The following GMNC variants were observed in gnomAD, a reference collection of about 807,000 sequenced individuals.
GMNC encodes geminin coiled-coil domain-containing protein 1.
Under a neutral mutation model 33.6 loss-of-function variants are expected in GMNC, and 16 were observed. The ratio of observed to expected loss-of-function variants is 0.48; its 90% confidence interval spans 0.32 to 0.72. GMNC has a LOEUF of 0.72. Among genes scored for constraint, GMNC ranks in the 30% least tolerant of loss-of-function variants. The pLI, the probability that GMNC is intolerant of heterozygous loss-of-function variation, is 0.03. For synonymous variants in GMNC, 156 were observed against 147.3 expected (o/e 1.06, Z -0.43); for missense variants, 393 against 388.9 (o/e 1.01, Z -0.09).
At chr3:190,846,623 G>T in the GMNC span, among the ~76,000 whole-genome samples, 8 of 152,190 alleles carry the variant, frequency 5.3e-5, no homozygotes, top group Non-Finnish European at 1.5e-5. Flanking sequence ...GATTGCTGAA[G>T]AGAAGTTCAT....
chr3:190,851,028 A>G (rs556932340), downstream of GMNC, among the ~76,000 whole-genome samples: 7 of 152,370 alleles, frequency 4.6e-5, no homozygotes, highest in South Asian at 1.2e-3. Flanking sequence ...ATGACTGATA[A>G]CAAGATAATC....
chr3:190,850,446 G>A (rs1489733769), downstream of GMNC, among the ~76,000 whole-genome samples: 2 of 152,188 alleles, frequency 1.3e-5, no homozygotes, highest in African/African-American at 2.4e-5. Context: ...TCCCGACTGA[G>A]TCTGTCCAAA....
downstream of GMNC, among the ~76,000 whole-genome samples, chr3:190,848,408 T>C (rs1173735665): frequency 6.6e-6 from 1 of 152,226 alleles, no homozygotes; most frequent in Admixed American, 6.5e-5. Flanking sequence ...TAACTTTATA[T>C]CCAAAGCATT....
In GMNC at chr3:190,861,470, CTATCT is replaced by C. The variant is rs987225429; in HGVS notation, c.4-617_4-613del. Among the ~76,000 whole-genome samples the C allele has an allele frequency of 1.3e-5, 2 of 150,882 alleles. No individual in the cohort carries two copies. The highest frequency in any genetic ancestry group is 4.9e-5 in the African/African-American group (2 of 41,114). On this transcript the variant is annotated intron_variant, in intron 1 of 4. Coordinates refer to ENST00000442080, the MANE Select transcript of GMNC (RefSeq NM_001146686.3). This position sits in a 1 kb window ranked among gnomAD's most constrained non-coding sequence, Gnocchi z 5.1. ...GTCTGCCTATCATCTATCTATCTAT[CTATCT>C]ATCTATCTATCTATCTATCTATCTA... is the stretch of plus-strand genomic sequence containing the variant.
chr3:190,849,472 G>T (rs1198701088), downstream of GMNC, among the ~76,000 whole-genome samples: 1 of 152,162 alleles, frequency 6.6e-6, no homozygotes, highest in Non-Finnish European at 1.5e-5. Flanking sequence ...TATAACAAGG[G>T]ATTCTGAATT....
chr3:190,858,853 A>G (rs1737803270), intron 3 of GMNC, 75 bp downstream of exon 3: 1 of 850,898 alleles, frequency 1.2e-6, no homozygotes, highest in Non-Finnish European at 1.8e-6. Flanking sequence ...CAAAAGGGAA[A>G]AGAAGCAAGA....
rs1737806194 is a variant in GMNC, at chr3:190,858,966, C to T, written c.229G>A (p.Glu77Lys). 2 of 1,550,580 alleles carry T rather than the reference C, an allele frequency of 1.3e-6. No individual in the cohort carries two copies. The highest frequency in any genetic ancestry group is 1.7e-6 in the Non-Finnish European group (2 of 1,146,306). Residue 77 changes from glutamate (E) to lysine (K), a missense_variant, in exon 3 of 5, where the codon GAG (glutamate) becomes AAG (lysine). Transcript: ENST00000442080. ...FPLPDLCSWE[E>K]AQLSSQLYRN... ...TAGAGCTGAGAGGAAAGCTGAGCCT[C>T]TTCCCATGAGCACAAGTCCGGAAGA...
chr3:190,858,951 A>G lies in GMNC; in HGVS notation c.244T>C (p.Ser82Pro), dbSNP rs1349218028. The G allele has an allele frequency of 4.5e-6, 7 of 1,549,642 alleles. No homozygotes were observed. The highest frequency in any genetic ancestry group is 6.1e-6 in the Non-Finnish European group (7 of 1,145,408). Residue 82 changes from serine to proline, a missense_variant, in exon 3 of 5, where the codon TCT becomes CCT. Ser to Pro is a moderately conservative substitution (Grantham distance 74). Transcript: ENST00000442080. The stretch of plus-strand genomic sequence containing the variant: ...ACCTGCTTATTTCTGTAGAGCTGAG[A>G]GGAAAGCTGAGCCTCTTCCCATGAG... ...LCSWEEAQLS[S>P]QLYRNKQLQD...
At position 190,860,711 on chromosome 3, in the gene GMNC, C is replaced by G. The variant is rs954369018; in HGVS notation, c.151G>C (p.Glu51Gln). The change falls in exon 2 of 5, where the codon GAG becomes CAG. Residue 51 changes from glutamate (E) to glutamine (Q), a missense_variant. By Grantham distance (29) the Glu-to-Gln change is conservative. Coordinates refer to ENST00000442080, the MANE Select transcript of GMNC (RefSeq NM_001146686.3). Reference sequence around the variant, plus strand: ...TGTGCCTGTGGTGCTTGTTGGAGCTCTCTGTTGTCCAGGAGACCAGCAGCC... The same window carrying G: ...TGTGCCTGTGGTGCTTGTTGGAGCTGTCTGTTGTCCAGGAGACCAGCAGCC... ...FWAAGLLDNR[E>Q]LQQAPQAQES... is the part of the protein sequence containing the mutation. 2.6e-5 allele frequency: 41 copies of G among 1,551,008 alleles called. No homozygotes were observed. The highest frequency in any genetic ancestry group is 1.8e-4 in the Middle Eastern group (1 of 5,656).
intron 1 of GMNC, 22 bp from the exon 2 acceptor site, chr3:190,860,880 G>C (rs766265700): frequency 3.1e-5 from 47 of 1,514,652 alleles, no homozygotes; most frequent in Non-Finnish European, 4.1e-5. Context: ...AGTATGGGGG[G>C]AGTGAGGGGT....
At position 190,853,528 on chromosome 3, in the gene GMNC, C is replaced by CA. The variant is rs1216027215; in HGVS notation, c.*1766dup. The stretch of plus-strand genomic sequence containing the variant: ...TGGGTGGCAACAAAACTTTATAAAA[C>CA]AGACCCTTTGCTTACATCACCAAAA... On this transcript the variant is annotated 3_prime_UTR_variant, in exon 5 of 5. Transcript: ENST00000442080. The CA allele has an allele frequency of 4.7e-4, 71 of 152,032 alleles. No homozygotes were observed. Among genetic ancestry groups the CA allele is most frequent in the African/African-American group, 1.7e-3 (69 of 41,484 alleles). The allele number at this position is 152,032 out of a possible 1,614,324, so 9.4% of individuals were successfully genotyped here.
chr3:190,856,257 A>T (rs1050112156), intron 4 of GMNC, among the ~76,000 whole-genome samples: 1 of 145,822 alleles, frequency 6.9e-6, no homozygotes, highest in Non-Finnish European at 1.5e-5. Flanking sequence ...ATTTATAAAT[A>T]TTTATAAATA....
At chr3:190,844,207 T>A in the GMNC span, among the ~76,000 whole-genome samples, 1 of 152,102 alleles carries the variant, frequency 6.6e-6, no homozygotes, top group Non-Finnish European at 1.5e-5. Context: ...GTAATTACCT[T>A]TGCTTATTAT....
the GMNC span, among the ~76,000 whole-genome samples, chr3:190,846,910 C>T: frequency 6.6e-6 from 1 of 152,168 alleles, no homozygotes; most frequent in East Asian, 1.9e-4. Flanking sequence ...GTGTTTTAAA[C>T]TTTAATCTTA....
At position 190,860,862 on chromosome 3, in the gene GMNC, T is replaced by C. The variant is rs1031542561; in HGVS notation, c.4-4A>G. 9 of 1,535,358 alleles carry C rather than the reference T, an allele frequency of 5.9e-6. No homozygotes were observed. The highest frequency in any genetic ancestry group is 7.0e-6 in the Non-Finnish European group (8 of 1,137,290). On this transcript the variant is annotated splice_region_variant and splice_polypyrimidine_tract_variant and intron_variant, in intron 1 of 4. Transcript: ENST00000442080. The stretch of plus-strand genomic sequence containing the variant: ...CTTGGCAAGGCAGAATGGTGTTCTG[T>C]GAAATTCAGTATGGGGGGAGTGAGG...
At chr3:190,860,272 A>G (rs2108533538) in intron 2 of GMNC, among the ~76,000 whole-genome samples, 1 of 152,326 alleles carries the variant, frequency 6.6e-6, no homozygotes, top group East Asian at 1.9e-4. Flanking sequence ...TTCCTCTATG[A>G]AATAAAAATT....
intron 4 of GMNC, among the ~76,000 whole-genome samples, chr3:190,857,438 A>G (rs1405412380): frequency 2.0e-5 from 3 of 152,154 alleles, no homozygotes; most frequent in Non-Finnish European, 4.4e-5. Context: ...ACAGATCATT[A>G]AAAGAACTGA....
In GMNC at chr3:190,862,521, C is replaced by G. The variant is rs1002061820; in HGVS notation, c.3+92G>C. The G allele has an allele frequency of 1.2e-5, 12 of 986,480 alleles. No homozygotes were observed. The highest frequency in any genetic ancestry group is 6.0e-5 in the Admixed American group (3 of 50,250). The allele number at this position is 986,480 out of a possible 1,614,324, so 61.1% of individuals were successfully genotyped here. On this transcript the variant is annotated intron_variant, in intron 1 of 4. Coordinates refer to ENST00000442080, the MANE Select transcript of GMNC (RefSeq NM_001146686.3). The surrounding 1 kb of genome is among the most constrained non-coding windows in gnomAD (Gnocchi z 4.5). The stretch of plus-strand genomic sequence containing the variant: ...TGGCGGGTAGCGGAGAAATCTTGCT[C>G]CGAAGGTGGAATAAATTCTAAATGC...
intron 1 of GMNC, 138 bp from the exon 2 acceptor site, chr3:190,860,996 T>C (rs996357716): frequency 1.7e-6 from 1 of 579,228 alleles, no homozygotes; most frequent in Non-Finnish European, 3.0e-6. Flanking sequence ...AGGTGTTAAG[T>C]ATAGATCCAT....
Sources: gnomAD v4.1 joint callset for allele counts (sites outside exome capture counted in the v4.1 genomes callset) on GRCh38, gnomAD v4.1.1 for gene constraint, Gnocchi (gnomAD v3.1) non-coding constraint, MANE v1.5 for transcripts, NCBI Gene and HGNC (gene_info 2026-07-23, HGNC 2026-07-21) for gene names.